CACNB2: variants seen among roughly 807,000 people sequenced by gnomAD.
The protein encoded by CACNB2 is voltage-dependent L-type calcium channel subunit beta-2.
CACNB2 carries 42 observed loss-of-function variants against 73.3 expected under a neutral mutation model. The ratio of observed to expected loss-of-function variants is 0.57; its 90% confidence interval spans 0.45 to 0.74. CACNB2 has a LOEUF of 0.74. Among genes scored for constraint, CACNB2 ranks in the 30% least tolerant of loss-of-function variants. CACNB2 has a pLI of 0.00. For missense variants in CACNB2, 940 were observed against 853.0 expected (o/e 1.10, Z -1.27); for synonymous variants, 348 against 310.3 (o/e 1.12, Z -1.28).
Position 18,442,978 on chromosome 10 carries a change from A to G in CACNB2, c.333+40935A>G, listed in dbSNP as rs1289311855. ...TATATGTATATATATATGTGTATAT[A>G]TATATATGTATATATATATGTGTAT... On this transcript the variant is annotated intron_variant, in intron 3 of 13. Transcript: ENST00000324631. Among the ~76,000 whole-genome samples, 41 of 22,328 alleles carry G rather than the reference A, an allele frequency of 1.8e-3. 1 individual carries two copies. The highest frequency in any genetic ancestry group is 3.8e-3 in the Admixed American group (8 of 2,114). The allele number at this position is 22,328 out of a possible 152,430, so 14.6% of individuals were successfully genotyped here. A position where few individuals can be genotyped will look rare whatever the true frequency, so the allele number is the denominator to read the frequency against.
intron 3 of CACNB2, among the ~76,000 whole-genome samples, chr10:18,444,787 A>G (rs1018756941): frequency 6.6e-6 from 1 of 152,184 alleles, no homozygotes; most frequent in African/African-American, 2.4e-5. Flanking sequence ...CTCCCCTTCC[A>G]TTTCATAGAG....
At chr10:18,175,841 G>T (rs1180779736) in intron 2 of CACNB2, among the ~76,000 whole-genome samples, 2 of 152,140 alleles carry the variant, frequency 1.3e-5, no homozygotes, top group Non-Finnish European at 2.9e-5. Flanking sequence ...CAAGTGATCT[G>T]CCCGCTTCAG....
chr10:18,152,225 C>T (rs1161068425), intron 2 of CACNB2, among the ~76,000 whole-genome samples: 2 of 152,228 alleles, frequency 1.3e-5, no homozygotes, highest in East Asian at 1.9e-4. Context: ...CATCAGTCCC[C>T]GCTTGCAACA....
At chr10:18,439,510 C>T (rs978178449) in intron 3 of CACNB2, among the ~76,000 whole-genome samples, 7 of 152,180 alleles carry the variant, frequency 4.6e-5, no homozygotes, top group African/African-American at 2.4e-5. Flanking sequence ...TTGGGGATGA[C>T]CTCTTCTGAT....
At chr10:18,238,130 C>G (rs112927130) in intron 2 of CACNB2, among the ~76,000 whole-genome samples, 2 of 152,260 alleles carry the variant, frequency 1.3e-5, no homozygotes, top group African/African-American at 4.8e-5. Flanking sequence ...ACATCTCTCC[C>G]GCTTGCATTT....
chr10:18,402,022 G>A lies in CACNB2; in HGVS notation c.312G>A (p.Gln104=). 3 of 1,614,010 alleles carry A rather than the reference G, an allele frequency of 1.9e-6. No individual in the cohort carries two copies. Among genetic ancestry groups the A allele is most frequent in the Non-Finnish European group, 2.5e-6 (3 of 1,179,984 alleles). Residue 104 remains glutamine (Q), a synonymous_variant, in exon 3 of 14, where the codon CAG becomes CAA. Transcript: ENST00000324631. The part of the protein sequence containing the change: ...AVRREAERQA[Q]AQLEKAKTKP... ...GCAGAGAAGCGGAGCGGCAGGCCCA[G>A]GCACAGTTGGAAAAAGCAAAGGTAA...
chr10:18,400,976 A>T (rs1180889097), intron 2 of CACNB2: 4 of 1,613,152 alleles, frequency 2.5e-6, no homozygotes, highest in Non-Finnish European at 3.4e-6. Context: ...CTCAGCGCGC[A>T]CTGAGAACCT....
chr10:18,161,272 C>T (rs1199495693), intron 2 of CACNB2, among the ~76,000 whole-genome samples: 1 of 152,220 alleles, frequency 6.6e-6, no homozygotes, highest in African/African-American at 2.4e-5. Context: ...ATTTTGGCTT[C>T]AAGCCTGACA....
In CACNB2 at chr10:18,140,842, G is replaced by C. The variant is rs2030303741; in HGVS notation, c.106G>C (p.Gly36Arg). 1 of 1,602,156 alleles carries C rather than the reference G, an allele frequency of 6.2e-7. No individual in the cohort carries two copies. The highest frequency in any genetic ancestry group is 8.5e-7 in the Non-Finnish European group (1 of 1,176,152). Residue 36 changes from glycine to arginine, a missense_variant, in exon 1 of 14, where the codon GGA becomes CGA. By Grantham distance (125) the Gly-to-Arg change is moderately radical. Coordinates refer to ENST00000324631, the MANE Select transcript of CACNB2 (RefSeq NM_201596.3). The part of the protein sequence containing the change: ...LENVAPAGAL[G>R]AAAQSYGKGA... ...GAACGTGGCTCCCGCGGGGGCGCTC[G>C]GAGCCGCCGCACAGGTAGCGAGAGC...
At chr10:18,144,031 A>G (rs1241852158) in intron 1 of CACNB2, among the ~76,000 whole-genome samples, 2 of 152,042 alleles carry the variant, frequency 1.3e-5, no homozygotes, top group South Asian at 4.1e-4. Flanking sequence ...AAACAAAATG[A>G]TACATTTCTC....
chr10:18,289,097 T>A (rs1470977426), intron 2 of CACNB2, among the ~76,000 whole-genome samples: 1 of 152,108 alleles, frequency 6.6e-6, no homozygotes. Flanking sequence ...GTGTCTATTT[T>A]AATTTTTCTT....
chr10:18,231,539 A>T (rs1186955552), intron 2 of CACNB2, among the ~76,000 whole-genome samples: 4 of 152,124 alleles, frequency 2.6e-5, no homozygotes, highest in Non-Finnish European at 5.9e-5. Context: ...TCCCAATTAG[A>T]CTGCAATCTC....
At chr10:18,380,421 G>A (rs1251666738) in intron 2 of CACNB2, among the ~76,000 whole-genome samples, 1 of 149,564 alleles carries the variant, frequency 6.7e-6, no homozygotes, top group African/African-American at 2.4e-5. Context: ...TAAAGTAAAT[G>A]AGAAATTGCT....
At position 18,243,925 on chromosome 10, in the gene CACNB2, G is replaced by A. The variant is rs192340946; in HGVS notation, c.213+92950G>A. On this transcript the variant is annotated intron_variant, in intron 2 of 13. Transcript: ENST00000324631. Reference sequence around the variant, plus strand: ...CAAATGGACTAAGACAGGGAACAACGAGAGCTTTGGTATCTGAGAGTGCTG... The same window carrying A: ...CAAATGGACTAAGACAGGGAACAACAAGAGCTTTGGTATCTGAGAGTGCTG... 9.8e-5 allele frequency among the ~76,000 whole-genome samples: 15 copies of A among 152,298 alleles called. No individual in the cohort carries two copies. In the South Asian group the frequency reaches 1.0e-3, roughly 11 times the overall value.
chr10:18,462,762 T>C (rs2047651254), intron 3 of CACNB2, among the ~76,000 whole-genome samples: 1 of 151,842 alleles, frequency 6.6e-6, no homozygotes, highest in South Asian at 2.1e-4. Context: ...TTTTTATTTT[T>C]ATTTATTTAT....
intron 2 of CACNB2, among the ~76,000 whole-genome samples, chr10:18,349,537 A>G (rs984425915): frequency 2.0e-5 from 3 of 152,170 alleles, no homozygotes; most frequent in Non-Finnish European, 2.9e-5. Context: ...TCAAAATGCC[A>G]TTAAAATTGA....
At chr10:18,189,933 T>G (rs893368098) in intron 2 of CACNB2, among the ~76,000 whole-genome samples, 1 of 152,206 alleles carries the variant, frequency 6.6e-6, no homozygotes, top group African/African-American at 2.4e-5. Flanking sequence ...CCTGGGCACC[T>G]TGAAGATACT....
At chr10:18,300,020 CTT>C (rs113228742) in intron 2 of CACNB2, among the ~76,000 whole-genome samples, 2 of 146,776 alleles carry the variant, frequency 1.4e-5, no homozygotes. Flanking sequence ...TGTTGCATTT[CTT>C]TTTTTTTTTT....
intron 2 of CACNB2, among the ~76,000 whole-genome samples, chr10:18,233,403 G>T (rs140589089): frequency 0.014 from 2,198 of 151,860 alleles, 29 homozygotes; most frequent in African/African-American, 0.037. Flanking sequence ...TCCAAAATTT[G>T]TAAGCACTTG....
Sources: allele counts gnomAD v4.1 joint callset (sites outside exome capture counted in the v4.1 genomes callset), GRCh38; gene constraint gnomAD v4.1.1; transcripts MANE v1.5; gene names NCBI Gene and HGNC (gene_info 2026-07-23, HGNC 2026-07-21).